SYT1: variants seen among roughly 807,000 people sequenced by gnomAD.
SYT1 encodes the protein synaptotagmin-1.
A neutral mutation model predicts 44.8 loss-of-function variants in SYT1; 8 were observed. The ratio of observed to expected loss-of-function variants is 0.18; its 90% CI spans 0.10 to 0.32. SYT1 has a LOEUF of 0.32. SYT1 is among the 10% of genes least tolerant of loss of function. The pLI is 1.00. For missense variants in SYT1, 286 were observed against 509.3 expected (o/e 0.56, Z 4.22); for synonymous variants, 154 against 188.8 (o/e 0.82, Z 1.51).
At chr12:79,324,658 C>T (rs73152059) in intron 8 of SYT1, among the ~76,000 whole-genome samples, 11,502 of 152,196 alleles carry the variant, frequency 0.076, 592 homozygotes, top group Non-Finnish European at 0.11. Context: ...ACCTATAGCA[C>T]CCCTGCGGTG....
chr12:79,050,924 T>G (rs1874430853), intron 3 of SYT1, among the ~76,000 whole-genome samples: 1 of 152,052 alleles, frequency 6.6e-6, no homozygotes, highest in Non-Finnish European at 1.5e-5. Context: ...AGGAGAAAAT[T>G]TAGAGGTCAC....
At chr12:78,945,710 G>T (rs1001134991) in intron 1 of SYT1, among the ~76,000 whole-genome samples, 2 of 152,038 alleles carry the variant, frequency 1.3e-5, no homozygotes, top group Non-Finnish European at 2.9e-5. Flanking sequence ...GTAATCCAAA[G>T]ACATGAATCT....
chr12:79,308,150 A>G (rs1880509547), intron 8 of SYT1, among the ~76,000 whole-genome samples: 2 of 152,216 alleles, frequency 1.3e-5, no homozygotes, highest in South Asian at 4.1e-4. Context: ...CTTTCGCTGT[A>G]AGTCATGCCA....
chr12:79,224,866 A>G (rs1875415586), intron 4 of SYT1, among the ~76,000 whole-genome samples: 1 of 151,116 alleles, frequency 6.6e-6, no homozygotes, highest in Non-Finnish European at 1.5e-5. Context: ...TGCAACCTCC[A>G]TCTCCTGGGT....
chr12:78,941,236 C>T lies in SYT1; in HGVS notation c.-216-36563C>T, dbSNP rs866494170. On this transcript the variant is annotated intron_variant, in intron 1 of 10. Transcript: ENST00000261205. Reference sequence around the variant, plus strand: ...TACAGGCGCCTGCCACCACGCCTGGCTAAGTTTTTATATTTTTAGTAGAGA... The same window carrying T: ...TACAGGCGCCTGCCACCACGCCTGGTTAAGTTTTTATATTTTTAGTAGAGA... Among the ~76,000 whole-genome samples the T allele has an allele frequency of 5.9e-5, 9 of 151,456 alleles. 1 individual carries two copies. Among genetic ancestry groups the T allele is most frequent in the African/African-American group, 1.9e-4 (8 of 41,298 alleles).
At chr12:79,355,084 C>A (rs1209583902) in intron 9 of SYT1, among the ~76,000 whole-genome samples, 1 of 152,158 alleles carries the variant, frequency 6.6e-6, no homozygotes, top group Non-Finnish European at 1.5e-5. Context: ...AGAGATATTT[C>A]AACCACGAGT....
chr12:79,401,004 A>ATT (rs1885048173), intron 9 of SYT1, among the ~76,000 whole-genome samples: 1 of 152,248 alleles, frequency 6.6e-6, no homozygotes, highest in South Asian at 2.1e-4. Context: ...TCTATTGAAC[A>ATT]ATATGATCTT....
chr12:78,988,665 T>C (rs1869821098), intron 2 of SYT1, among the ~76,000 whole-genome samples: 1 of 151,716 alleles, frequency 6.6e-6, no homozygotes, highest in Admixed American at 6.6e-5. Context: ...AGTGAGGAAA[T>C]ATACTTGGAG....
Position 78,977,785 on chromosome 12 carries a change from C to G in SYT1, c.-216-14C>G, listed in dbSNP as rs1292214619. The G allele has an allele frequency of 6.6e-6, 1 of 152,040 alleles. No individual in the cohort carries two copies. The highest frequency in any genetic ancestry group is 1.5e-5 in the Non-Finnish European group (1 of 68,038). The allele number at this position is 152,040 out of a possible 1,614,324, so 9.4% of individuals were successfully genotyped here. The stretch of plus-strand genomic sequence containing the variant: ...TAGCATTTTCACAGATTCTATTATT[C>G]TCTCTCTCTCAAGGGAAAACGGGAA... On this transcript the variant is annotated splice_polypyrimidine_tract_variant and intron_variant, in intron 1 of 10. Coordinates refer to ENST00000261205, the MANE Select transcript of SYT1 (RefSeq NM_005639.3).
At chr12:79,172,134 T>A (rs1003476076) in intron 3 of SYT1, among the ~76,000 whole-genome samples, 2 of 152,006 alleles carry the variant, frequency 1.3e-5, no homozygotes, top group Non-Finnish European at 2.9e-5. Flanking sequence ...TATAAACACA[T>A]TTAAGTTCAC....
intron 5 of SYT1, among the ~76,000 whole-genome samples, chr12:79,289,608 C>G (rs1448842930): frequency 2.6e-5 from 4 of 152,074 alleles, no homozygotes; most frequent in Non-Finnish European, 5.9e-5. Context: ...TGGGCTGAAA[C>G]ATGATACATA....
At chr12:79,395,539 C>T (rs12579420) in intron 9 of SYT1, among the ~76,000 whole-genome samples, 21,684 of 151,952 alleles carry the variant, frequency 0.14, 1,965 homozygotes, top group Middle Eastern at 0.34. Flanking sequence ...ACATTTATTA[C>T]GGATTTTGTT....
At chr12:79,025,398 A>G (rs184976337) in intron 2 of SYT1, among the ~76,000 whole-genome samples, 1 of 151,824 alleles carries the variant, frequency 6.6e-6, no homozygotes, top group East Asian at 1.9e-4. Flanking sequence ...AAGCCTGGAA[A>G]TGATGCTTAA....
At chr12:78,865,453 C>T (rs1432012107) in intron 1 of SYT1, among the ~76,000 whole-genome samples, 1 of 152,074 alleles carries the variant, frequency 6.6e-6, no homozygotes, top group Non-Finnish European at 1.5e-5. Flanking sequence ...CCTCCTCCCA[C>T]CCTAAGCACG....
intron 1 of SYT1, among the ~76,000 whole-genome samples, chr12:78,925,372 C>T (rs1445561659): frequency 6.6e-6 from 1 of 151,896 alleles, no homozygotes; most frequent in Non-Finnish European, 1.5e-5. Flanking sequence ...TCTTCAGACT[C>T]AGAGTACATA....
chr12:79,326,466 G>A (rs150718204), intron 8 of SYT1, among the ~76,000 whole-genome samples: 38 of 152,354 alleles, frequency 2.5e-4, no homozygotes, highest in African/African-American at 9.1e-4. Flanking sequence ...ATTTGTCAGT[G>A]CAGGCAAAGA....
chr12:79,127,399 G>A (rs12312411), intron 3 of SYT1, among the ~76,000 whole-genome samples: 17,397 of 152,294 alleles, frequency 0.11, 1,072 homozygotes, highest in African/African-American at 0.13. Flanking sequence ...CAGTTCTTAC[G>A]AAACAGATTG....
Position 79,436,705 on chromosome 12 carries a change from A to T in SYT1, c.929-7368A>T, listed in dbSNP as rs1870113470. ...ACTGCCTGAGAAGAGGGGGGTGGTG[A>T]TAACATTCTAGTGTATTGAAGTAGG... On this transcript the variant is annotated intron_variant, in intron 9 of 10. Coordinates refer to ENST00000261205, the MANE Select transcript of SYT1 (RefSeq NM_005639.3). Among the ~76,000 whole-genome samples the T allele has an allele frequency of 2.0e-5, 3 of 152,206 alleles. No homozygotes were observed. The South Asian group carries it at 6.2e-4, about 31-fold the overall frequency.
At chr12:79,349,033 A>AAGAAAGAAAGAAAGAG (rs1367804411) in intron 8 of SYT1, among the ~76,000 whole-genome samples, 40 of 120,274 alleles carry the variant, frequency 3.3e-4, no homozygotes, top group African/African-American at 1.0e-3. Flanking sequence ...GAAAGAAAGA[A>AAGAAAGAAAGAAAGAG]AAAGAAAGAA....
Sources: gnomAD v4.1 joint callset for allele counts (sites outside exome capture counted in the v4.1 genomes callset) on GRCh38, gnomAD v4.1.1 for gene constraint, MANE v1.5 for transcripts, NCBI Gene and HGNC (gene_info 2026-07-23, HGNC 2026-07-21) for gene names.